Variants in GPHN observed in about 807,000 individuals in gnomAD.
The protein encoded by GPHN is gephyrin.
Under a neutral mutation model 95.5 loss-of-function variants are expected in GPHN, and 17 were observed. The observed-to-expected ratio is 0.18, with a 90% CI of 0.12 to 0.27. GPHN has a LOEUF of 0.27. Ranked by LOEUF, GPHN falls within the 10% of genes least tolerant of loss-of-function variation. The pLI is 1.00. For synonymous variants in GPHN, 320 were observed against 322.5 expected (o/e 0.99, Z 0.08); for missense variants, 660 against 978.1 (o/e 0.67, Z 4.34).
At chr14:67,237,637 A>G in the GPHN span, among the ~76,000 whole-genome samples, 15 of 152,186 alleles carry the variant, frequency 9.9e-5, no homozygotes, top group Admixed American at 7.2e-4. Flanking sequence ...TTTTAATGAA[A>G]TAAAATAGTG....
At chr14:67,594,733 T>G in the GPHN span, among the ~76,000 whole-genome samples, 1 of 152,062 alleles carries the variant, frequency 6.6e-6, no homozygotes, top group African/African-American at 2.4e-5. Context: ...AAACCCATTA[T>G]AAGATGAAAA....
the GPHN span, among the ~76,000 whole-genome samples, chr14:67,356,700 A>C: frequency 3.9e-5 from 6 of 152,190 alleles, no homozygotes; most frequent in African/African-American, 1.4e-4. Flanking sequence ...GCTCCAACCT[A>C]CGTTCACTGT....
At chr14:67,062,543 T>C (rs926000673) in intron 11 of GPHN, among the ~76,000 whole-genome samples, 7 of 152,292 alleles carry the variant, frequency 4.6e-5, no homozygotes, top group African/African-American at 1.7e-4. Context: ...GGACTTAACA[T>C]GTAGAGAAAA....
At chr14:67,056,797 G>A (rs1418258333) in intron 10 of GPHN, among the ~76,000 whole-genome samples, 1 of 145,502 alleles carries the variant, frequency 6.9e-6, no homozygotes, top group African/African-American at 2.6e-5. Context: ...CGTGGCAGGA[G>A]CCCACAGTGG....
chr14:67,651,537 A>T, the GPHN span: 11 of 1,594,044 alleles, frequency 6.9e-6, no homozygotes, highest in African/African-American at 2.7e-5. Flanking sequence ...CTTCCTTCTA[A>T]ACATTTTGGG....
At chr14:66,854,017 A>G (rs2062700250) in intron 4 of GPHN, among the ~76,000 whole-genome samples, 1 of 152,234 alleles carries the variant, frequency 6.6e-6, no homozygotes, top group African/African-American at 2.4e-5. Context: ...GAAACTTTTA[A>G]AAGTACTTTG....
At chr14:67,318,789 G>A in the GPHN span, among the ~76,000 whole-genome samples, 6 of 152,168 alleles carry the variant, frequency 3.9e-5, no homozygotes, top group Non-Finnish European at 7.4e-5. Context: ...CGGGCGCGGT[G>A]GGTCATGCCT....
the GPHN span, chr14:67,678,335 G>A: frequency 1.2e-6 from 2 of 1,612,000 alleles, no homozygotes; most frequent in South Asian, 2.2e-5. Context: ...TCTATTGGGA[G>A]GCCCAGCAGG....
chr14:67,496,724 TTC>T, the GPHN span, among the ~76,000 whole-genome samples: 148 of 147,962 alleles, frequency 1.0e-3, 1 homozygote, highest in African/African-American at 3.6e-3. Flanking sequence ...TTTTCTTTCT[TTC>T]TCTCTCTCTC....
the GPHN span, among the ~76,000 whole-genome samples, chr14:67,204,254 T>C: frequency 1.3e-5 from 2 of 152,058 alleles, no homozygotes; most frequent in African/African-American, 4.8e-5. Flanking sequence ...CTGAGCAACA[T>C]GGTGAAACCT....
At chr14:66,838,546 A>G (rs536484403) in intron 4 of GPHN, among the ~76,000 whole-genome samples, 79 of 152,272 alleles carry the variant, frequency 5.2e-4, no homozygotes, top group African/African-American at 1.7e-3. Flanking sequence ...ACTCTTGTAA[A>G]ATGAAAAGAG....
intron 8 of GPHN, among the ~76,000 whole-genome samples, chr14:66,925,779 G>C (rs1406894414): frequency 6.6e-6 from 1 of 152,166 alleles, no homozygotes; most frequent in Non-Finnish European, 1.5e-5. Flanking sequence ...TAGAGGCATT[G>C]CTGGATCATA....
intron 4 of GPHN, among the ~76,000 whole-genome samples, chr14:66,826,421 A>T (rs181178300): frequency 6.6e-5 from 10 of 152,206 alleles, no homozygotes; most frequent in Admixed American, 5.9e-4. Flanking sequence ...TTAAATTCTG[A>T]CACTACCTAC....
At chr14:67,002,892 G>A (rs986985480) in intron 9 of GPHN, among the ~76,000 whole-genome samples, 11 of 151,426 alleles carry the variant, frequency 7.3e-5, no homozygotes, top group Admixed American at 2.6e-4. Context: ...AGTAAAATAC[G>A]TTTTATGTAT....
chr14:67,036,596 C>T (rs535533046), intron 10 of GPHN, among the ~76,000 whole-genome samples: 1 of 148,118 alleles, frequency 6.8e-6, no homozygotes, highest in Admixed American at 6.8e-5. Flanking sequence ...TGCAGGGGTA[C>T]AAAGTCAACA....
intron 2 of GPHN, among the ~76,000 whole-genome samples, chr14:66,715,077 G>A (rs1296078853): frequency 1.3e-5 from 2 of 152,152 alleles, no homozygotes; most frequent in African/African-American, 4.8e-5. Context: ...TGAATGTCTG[G>A]TAGAATTCAG....
At chr14:66,596,220 G>T (rs901807473) in intron 1 of GPHN, among the ~76,000 whole-genome samples, 3 of 152,064 alleles carry the variant, frequency 2.0e-5, no homozygotes, top group African/African-American at 7.2e-5. Flanking sequence ...AGGGGAGGAA[G>T]TGCATGCTGA....
At chr14:67,601,065 C>G in the GPHN span, among the ~76,000 whole-genome samples, 1 of 152,188 alleles carries the variant, frequency 6.6e-6, no homozygotes, top group African/African-American at 2.4e-5. Flanking sequence ...AGCTTCCTTT[C>G]TAGTAGGAGA....
chr14:67,305,286 A>AG, the GPHN span, among the ~76,000 whole-genome samples: 23 of 147,008 alleles, frequency 1.6e-4, no homozygotes, highest in African/African-American at 4.2e-4. Flanking sequence ...AAGTTAAGAC[A>AG]TTTTTTTTTT....
Sources: gnomAD v4.1 joint callset for allele counts (sites outside exome capture counted in the v4.1 genomes callset) on GRCh38, gnomAD v4.1.1 for gene constraint, MANE v1.5 for transcripts, NCBI Gene and HGNC (gene_info 2026-07-23, HGNC 2026-07-21) for gene names.